IL17RC: variants seen among roughly 807,000 people sequenced by gnomAD.
IL17RC encodes the protein interleukin 17 receptor C.
IL17RC carries 53 observed loss-of-function variants against 86.7 expected under a neutral mutation model. That is an observed-to-expected ratio of 0.61 (90% CI 0.49 to 0.77). The LOEUF is 0.77. Ranked by LOEUF, IL17RC falls within the 30% of genes least tolerant of loss-of-function variation. The pLI, the probability that IL17RC is intolerant of heterozygous loss-of-function variation, is 0.00. For synonymous variants in IL17RC, 439 were observed against 413.1 expected (o/e 1.06, Z -0.76); for missense variants, 957 against 940.0 (o/e 1.02, Z -0.24).
chr3:9,923,411 G>A (rs781657511), intron 7 of IL17RC, among the ~76,000 whole-genome samples: 10 of 151,756 alleles, frequency 6.6e-5, no homozygotes, highest in Non-Finnish European at 1.2e-4. Flanking sequence ...AAACTAGCCG[G>A]GGGTGGTGAC....
chr3:9,917,271 G>GGC lies in IL17RC; in HGVS notation c.-44_-43dup, dbSNP rs2083156039. The GGC allele has an allele frequency of 6.6e-7, 1 of 1,520,992 alleles. No individual in the cohort carries two copies. Among genetic ancestry groups the GGC allele is most frequent in the African/African-American group, 1.4e-5 (1 of 71,772 alleles). The allele number at this position is 1,520,992 out of a possible 1,614,324, so 94.2% of individuals were successfully genotyped here. On this transcript the variant is annotated 5_prime_UTR_variant, in exon 1 of 19. Coordinates refer to ENST00000403601, the MANE Select transcript of IL17RC (RefSeq NM_153460.4). ...GGGGTGTCTGCCCCCCTTGGGGGGG[G>GGC]GCAGCACAGGGCCTCAGGCCTGGGT...
rs1047758037 is a variant in IL17RC at position 9,920,848 on chromosome 3, C to G, written c.578-77C>G. 2.2e-5 allele frequency: 28 copies of G among 1,251,212 alleles called. No homozygotes were observed. The African/African-American group carries it at 3.8e-4, about 17-fold the overall frequency. The allele number at this position is 1,251,212 out of a possible 1,614,324, so 77.5% of individuals were successfully genotyped here. ...GGATGGGGAGCCATTCCTAATGCCCCCCTGGGAGCCAAATTGCCCCCACTT... is the reference window on the plus strand; with the variant it reads ...GGATGGGGAGCCATTCCTAATGCCCGCCTGGGAGCCAAATTGCCCCCACTT... On this transcript the variant is annotated intron_variant, in intron 6 of 18. Coordinates refer to ENST00000403601, the MANE Select transcript of IL17RC (RefSeq NM_153460.4).
chr3:9,926,414 C>T (rs1378828622), intron 9 of IL17RC, among the ~76,000 whole-genome samples: 2 of 152,156 alleles, frequency 1.3e-5, no homozygotes, highest in East Asian at 3.9e-4. Flanking sequence ...CATCTAATTT[C>T]TTCTTGTACA....
In IL17RC at chr3:9,933,496, A is replaced by C. The variant is rs753085510; in HGVS notation, c.2066A>C (p.Gln689Pro). 2.5e-6 allele frequency: 4 copies of C among 1,611,576 alleles called. No homozygotes were observed. In the Admixed American group the frequency reaches 6.7e-5, roughly 27 times the overall value. Reference sequence around the variant, plus strand: ...GCGGAGCAAGTGTCCCGGGCCCTTCAGCCAGCCCTGGATAGCTACTTCCAT... The same window carrying C: ...GCGGAGCAAGTGTCCCGGGCCCTTCCGCCAGCCCTGGATAGCTACTTCCAT... ...ERAEQVSRALQPALDSYFHPP... is the reference protein window; with the variant it reads ...ERAEQVSRALPPALDSYFHPP... Residue 689 changes from glutamine to proline, a missense_variant, in exon 19 of 19, where the codon CAG (glutamine) becomes CCG (proline). Gln to Pro is a moderately conservative substitution (Grantham distance 76). Transcript: ENST00000403601.
chr3:9,929,947 A>T, intron 13 of IL17RC, 50 bp downstream of exon 13: 1 of 1,613,744 alleles, frequency 6.2e-7, no homozygotes, highest in Non-Finnish European at 8.5e-7. Flanking sequence ...CTAGGGGTGA[A>T]GGTCAGGGCA....
Position 9,918,013 on chromosome 3 carries a change from G to T in IL17RC, c.218G>T (p.Arg73Met), listed in dbSNP as rs1292429921. ...CACCTGCAGACAGAGCTGGTGCTGA[G>T]GTGCCAGAAGGAGACCGACTGTGAC... ...PTHLQTELVL[R>M]CQKETDCDLC... The change falls in exon 3 of 19, where the codon AGG becomes ATG. Residue 73 changes from arginine (R) to methionine (M), a missense_variant. Coordinates refer to ENST00000403601, the MANE Select transcript of IL17RC (RefSeq NM_153460.4). 1 of 1,613,222 alleles carries T rather than the reference G, an allele frequency of 6.2e-7. No homozygotes were observed.
At position 9,932,987 on chromosome 3, in the gene IL17RC, C is replaced by T; in HGVS notation, c.1557C>T (p.Tyr519=). ...GGGGCCGCGCGGCTCTGCTCCTCTACTCAGCCGATGACTCGGGTTTCGAGC... is the reference window on the plus strand; with the variant it reads ...GGGGCCGCGCGGCTCTGCTCCTCTATTCAGCCGATGACTCGGGTTTCGAGC... ...AARGRAALLL[Y]SADDSGFERL... Residue 519 remains tyrosine, a synonymous_variant, in exon 19 of 19, where the codon TAC becomes TAT. Transcript: ENST00000403601. The T allele has an allele frequency of 6.3e-7, 1 of 1,590,818 alleles. No individual in the cohort carries two copies. Among genetic ancestry groups the T allele is most frequent in the Non-Finnish European group, 8.5e-7 (1 of 1,173,462 alleles).
intron 12 of IL17RC, 127 bp downstream of exon 12, chr3:9,928,757 C>CCTA: frequency 1.0e-6 from 1 of 971,834 alleles, no homozygotes; most frequent in Non-Finnish European, 1.6e-6. Flanking sequence ...AGTTCCACTG[C>CCTA]CTACTTTAGT....
chr3:9,930,378 C>A lies in IL17RC; in HGVS notation c.1279-22C>A. On this transcript the variant is annotated intron_variant, in intron 14 of 18. Transcript: ENST00000403601. This position sits in a 1 kb window ranked among gnomAD's most constrained non-coding sequence, Gnocchi z 5.8. ...AGGGTGCTACCTCCAGGTAACAGTG[C>A]CCCCATCCTTTGGCTTGGCAGAGGG... The A allele has an allele frequency of 1.2e-6, 2 of 1,613,568 alleles. No individual in the cohort carries two copies. Among genetic ancestry groups the A allele is most frequent in the Non-Finnish European group, 1.7e-6 (2 of 1,179,668 alleles).
At position 9,920,550 on chromosome 3, in the gene IL17RC, C is replaced by T. The variant is rs763578797; in HGVS notation, c.525C>T (p.Ser175=). ...AALGSEVRIW[S]YTQPRYEKEL... ...TAGGGAGTGAGGTACGAATCTGGTC[C>T]TATACTCAGCCCAGGTACGAGAAGG... Residue 175 remains serine (S), a synonymous_variant, in exon 6 of 19, where the codon TCC becomes TCT. Coordinates refer to ENST00000403601, the MANE Select transcript of IL17RC (RefSeq NM_153460.4). 3 of 1,608,786 alleles carry T rather than the reference C, an allele frequency of 1.9e-6. No individual in the cohort carries two copies. Among genetic ancestry groups the T allele is most frequent in the Non-Finnish European group, 1.7e-6 (2 of 1,177,096 alleles).
intron 9 of IL17RC, among the ~76,000 whole-genome samples, chr3:9,926,031 CTT>C (rs5846649): frequency 0.077 from 6,929 of 89,814 alleles, 246 homozygotes; most frequent in South Asian, 0.088. Flanking sequence ...TAATTGTTTC[CTT>C]TTTTTTTTTT....
rs2084582496 is a variant in IL17RC, at chr3:9,930,821, C to G, written c.1339-74C>G. 1 of 1,334,724 alleles carries G rather than the reference C, an allele frequency of 7.5e-7. No individual in the cohort carries two copies. The highest frequency in any genetic ancestry group is 1.4e-5 in the African/African-American group (1 of 69,204). The allele number at this position is 1,334,724 out of a possible 1,614,324, so 82.7% of individuals were successfully genotyped here. A position where few individuals can be genotyped will look rare whatever the true frequency, so the allele number is the denominator to read the frequency against. On this transcript the variant is annotated intron_variant, in intron 15 of 18. Transcript: ENST00000403601. This position sits in a 1 kb window ranked among gnomAD's most constrained non-coding sequence, Gnocchi z 5.8. The stretch of plus-strand genomic sequence containing the variant: ...TAGTTGATGCTGGGAATTTGGAGAT[C>G]AGGCCACCAGAGCTTGGTGAATATT...
At position 9,918,323 on chromosome 3, in the gene IL17RC, G is replaced by T. The variant is rs1432145558; in HGVS notation, c.281-12G>T. On this transcript the variant is annotated splice_polypyrimidine_tract_variant and intron_variant, in intron 3 of 18. Coordinates refer to ENST00000403601, the MANE Select transcript of IL17RC (RefSeq NM_153460.4). ...GGGCCTCACCCAGGGCCTTGCTCTT[G>T]GGTCCTTCTAGGGCACTGGGAAGAG... The T allele has an allele frequency of 1.3e-6, 2 of 1,574,342 alleles. No individual in the cohort carries two copies.
Position 9,920,913 on chromosome 3 carries a change from A to T in IL17RC, c.578-12A>T, listed in dbSNP as rs1467395687. On this transcript the variant is annotated splice_polypyrimidine_tract_variant and intron_variant, in intron 6 of 18. Coordinates refer to ENST00000403601, the MANE Select transcript of IL17RC (RefSeq NM_153460.4). ...CAGCCCCACTGGAGGCTCTTCTGTGATCTCTCCTCAGACTGCAGGGGGCTC... is the reference window on the plus strand; with the variant it reads ...CAGCCCCACTGGAGGCTCTTCTGTGTTCTCTCCTCAGACTGCAGGGGGCTC... The T allele has an allele frequency of 6.2e-7, 1 of 1,608,304 alleles. No individual in the cohort carries two copies. The highest frequency in any genetic ancestry group is 1.1e-5 in the South Asian group (1 of 89,348).
rs559955121 is a variant in IL17RC at position 9,917,355 on chromosome 3, C to T, written c.40C>T (p.Arg14Ter). ...PWFLLSLALGRSPVVLSLERL... is the reference protein window; with the variant it reads ...PWFLLSLALG ...GTTCTTGCTGTCCTTGGCACTGGGC[C>T]GAAGCCCAGTGGTCCTTTCTCTGGA... is the stretch of plus-strand genomic sequence containing the variant. The change falls in exon 1 of 19, where the codon CGA becomes TGA. Residue 14 changes from arginine to a stop codon, truncating the protein, a stop_gained. Coordinates refer to ENST00000403601, the MANE Select transcript of IL17RC (RefSeq NM_153460.4). LOFTEE classifies it high-confidence loss of function. The T allele has an allele frequency of 8.1e-6, 13 of 1,614,108 alleles. No homozygotes were observed. The highest frequency in any genetic ancestry group is 4.5e-5 in the East Asian group (2 of 44,860).
At chr3:9,921,120 C>T (rs1275722164) in intron 7 of IL17RC, 151 bp downstream of exon 7, 7 of 575,722 alleles carry the variant, frequency 1.2e-5, no homozygotes, top group African/African-American at 1.9e-5. Flanking sequence ...TTGTTCATAA[C>T]ACATTAATTG....
At position 9,929,915 on chromosome 3, in the gene IL17RC, G is replaced by T. The variant is rs1188119784; in HGVS notation, c.1156+18G>T. 6.2e-7 allele frequency: 1 copy of T among 1,614,056 alleles called. No homozygotes were observed. The highest frequency in any genetic ancestry group is 2.2e-5 in the East Asian group (1 of 44,874). On this transcript the variant is annotated intron_variant, in intron 13 of 18. Transcript: ENST00000403601. ...GTGGGCTGGTGAGTTGGGCCTGGGGGCAGCTGGGGCAGGGCCACCTCCTAG... is the reference window on the plus strand; with the variant it reads ...GTGGGCTGGTGAGTTGGGCCTGGGGTCAGCTGGGGCAGGGCCACCTCCTAG...
intron 16 of IL17RC, among the ~76,000 whole-genome samples, chr3:9,931,822 A>G (rs1479304393): frequency 2.0e-5 from 3 of 151,426 alleles, no homozygotes; most frequent in Non-Finnish European, 4.4e-5. Flanking sequence ...ATATTTTTAA[A>G]AGATCTCTGA....
chr3:9,933,601 C>A lies in IL17RC; in HGVS notation c.*8C>A. The A allele has an allele frequency of 6.4e-7, 1 of 1,572,936 alleles. No homozygotes were observed. The highest frequency in any genetic ancestry group is 8.6e-7 in the Non-Finnish European group (1 of 1,162,924). ...GCGGGGGACGGGACTTAAATAAAGG[C>A]AGACGCTGTTTTTCTACCCATGTGG... On this transcript the variant is annotated 3_prime_UTR_variant, in exon 19 of 19. Transcript: ENST00000403601.
Sources: gnomAD v4.1 joint callset for allele counts (sites outside exome capture counted in the v4.1 genomes callset) on GRCh38, gnomAD v4.1.1 for gene constraint, Gnocchi (gnomAD v3.1) non-coding constraint, MANE v1.5 for transcripts, NCBI Gene and HGNC (gene_info 2026-07-23, HGNC 2026-07-21) for gene names.